Variants in PTPRM observed in about 807,000 individuals in gnomAD.
PTPRM encodes the protein protein tyrosine phosphatase receptor type M, also known as receptor-type tyrosine-protein phosphatase mu.
Under a neutral mutation model 186.7 loss-of-function variants are expected in PTPRM, and 47 were observed. The observed-to-expected ratio is 0.25, with a 90% CI of 0.20 to 0.32. The LOEUF (loss-of-function observed/expected upper bound fraction) is 0.32. PTPRM is among the 10% of genes least tolerant of loss of function. The probability of loss-of-function intolerance (pLI) is 1.00; values close to 1 mark genes in which losing one functional copy is unlikely to be tolerated. For missense variants in PTPRM, 1,494 were observed against 1,865.0 expected (o/e 0.80, Z 3.66); for synonymous variants, 668 against 674.9 (o/e 0.99, Z 0.16).
At chr18:7,796,558 G>T (rs1568142884) in intron 2 of PTPRM, among the ~76,000 whole-genome samples, 1 of 152,138 alleles carries the variant, frequency 6.6e-6, no homozygotes, top group Non-Finnish European at 1.5e-5. Context: ...ACCCAAGGGG[G>T]TGTCCCTGAT....
At position 8,286,341 on chromosome 18, in the gene PTPRM, A is replaced by G. The variant is rs555167149; in HGVS notation, c.2755-10027A>G. 1.6e-3 allele frequency among the ~76,000 whole-genome samples: 239 copies of G among 152,310 alleles called. 2 individuals are homozygous for G. Among genetic ancestry groups the G allele is most frequent in the African/African-American group, 5.6e-3 (233 of 41,576 alleles). On this transcript the variant is annotated intron_variant, in intron 19 of 32. Transcript: ENST00000580170. ...AAGATGATGATCTCTCTGTTTTGAGAGGTGAATTGGTTCTTCCAGGATTCC... is the reference window on the plus strand; with the variant it reads ...AAGATGATGATCTCTCTGTTTTGAGGGGTGAATTGGTTCTTCCAGGATTCC...
chr18:7,951,458 T>C (rs2052947947), intron 6 of PTPRM, among the ~76,000 whole-genome samples: 1 of 152,178 alleles, frequency 6.6e-6, no homozygotes, highest in African/African-American at 2.4e-5. Context: ...GAAAAGTTAA[T>C]TTGTTGGAAG....
chr18:7,990,263 C>T (rs759243104), intron 7 of PTPRM, among the ~76,000 whole-genome samples: 1 of 152,134 alleles, frequency 6.6e-6, no homozygotes, highest in African/African-American at 2.4e-5. Flanking sequence ...AACTGTCATG[C>T]AAAATGCACC....
chr18:8,306,972 A>G (rs2095228588), intron 20 of PTPRM, among the ~76,000 whole-genome samples: 2 of 152,206 alleles, frequency 1.3e-5, no homozygotes, highest in Non-Finnish European at 2.9e-5. Flanking sequence ...TTCAAGGTGA[A>G]TGATATTTCA....
At chr18:8,238,649 G>GTGTTTT (rs1568577897) in intron 14 of PTPRM, among the ~76,000 whole-genome samples, 1 of 73,650 alleles carries the variant, frequency 1.4e-5, no homozygotes, top group Non-Finnish European at 2.9e-5. Context: ...ACTGTTTTGT[G>GTGTTTT]TGTTTTTTTT....
intron 1 of PTPRM, among the ~76,000 whole-genome samples, chr18:7,707,961 A>G (rs184467412): frequency 5.9e-5 from 9 of 152,338 alleles, no homozygotes; most frequent in African/African-American, 9.6e-5. Flanking sequence ...CATTCTGTCT[A>G]TTGACTGTTT....
chr18:7,598,961 T>G (rs1006715949), intron 1 of PTPRM, among the ~76,000 whole-genome samples: 1 of 152,178 alleles, frequency 6.6e-6, no homozygotes, highest in Admixed American at 6.5e-5. Flanking sequence ...TAAAGCATTA[T>G]TATCACATTT....
intron 13 of PTPRM, among the ~76,000 whole-genome samples, chr18:8,127,629 G>T (rs1252103539): frequency 4.6e-5 from 7 of 152,132 alleles, no homozygotes; most frequent in Non-Finnish European, 8.8e-5. Flanking sequence ...CCTTCCTTCA[G>T]ACGGTGCATA....
intron 3 of PTPRM, among the ~76,000 whole-genome samples, chr18:7,903,611 A>G (rs956322503): frequency 2.0e-5 from 3 of 152,254 alleles, no homozygotes; most frequent in African/African-American, 4.8e-5. Flanking sequence ...ATATCCGTGC[A>G]TATCTTCCTT....
intron 20 of PTPRM, among the ~76,000 whole-genome samples, chr18:8,302,415 C>G (rs929887022): frequency 3.9e-5 from 6 of 152,164 alleles, no homozygotes; most frequent in African/African-American, 7.2e-5. Context: ...AGGTGGAAGC[C>G]AGACCTACAG....
At chr18:7,948,477 A>G (rs1477330095) in intron 5 of PTPRM, among the ~76,000 whole-genome samples, 1 of 152,210 alleles carries the variant, frequency 6.6e-6, no homozygotes, top group Non-Finnish European at 1.5e-5. Flanking sequence ...AGGGTTACTT[A>G]ATATATGGGG....
At chr18:8,125,794 T>C (rs2092319046) in intron 13 of PTPRM, among the ~76,000 whole-genome samples, 1 of 151,736 alleles carries the variant, frequency 6.6e-6, no homozygotes, top group Non-Finnish European at 1.5e-5. Context: ...CGCGATTCAC[T>C]GTTCATAATA....
chr18:7,999,966 T>C (rs1182474847), intron 7 of PTPRM, among the ~76,000 whole-genome samples: 1 of 152,118 alleles, frequency 6.6e-6, no homozygotes, highest in African/African-American at 2.4e-5. Context: ...AGAGCTGATA[T>C]TTCAGTTCAT....
chr18:8,139,704 T>C (rs977634504), intron 13 of PTPRM, among the ~76,000 whole-genome samples: 1 of 152,114 alleles, frequency 6.6e-6, no homozygotes, highest in African/African-American at 2.4e-5. Context: ...CCCACTCCCT[T>C]TCCTCTTTCA....
At chr18:8,178,955 A>G (rs942048468) in intron 14 of PTPRM, among the ~76,000 whole-genome samples, 1 of 152,166 alleles carries the variant, frequency 6.6e-6, no homozygotes, top group African/African-American at 2.4e-5. Flanking sequence ...TCCCAAGATA[A>G]CTTGGTGCTC....
chr18:7,658,330 TTATATATA>T (rs34009975), intron 1 of PTPRM, among the ~76,000 whole-genome samples: 4,516 of 124,430 alleles, frequency 0.036, 99 homozygotes, highest in East Asian at 0.087. Flanking sequence ...TAAAGTAAAT[TTATATATA>T]TATATATATA....
At chr18:7,980,811 T>G (rs1251950186) in intron 7 of PTPRM, among the ~76,000 whole-genome samples, 1 of 152,138 alleles carries the variant, frequency 6.6e-6, no homozygotes, top group Non-Finnish European at 1.5e-5. Flanking sequence ...TCTCCATAAT[T>G]CTTCTCACAG....
intron 1 of PTPRM, among the ~76,000 whole-genome samples, chr18:7,607,780 T>A (rs2037570091): frequency 6.6e-6 from 1 of 152,226 alleles, no homozygotes; most frequent in African/African-American, 2.4e-5. Flanking sequence ...AGCCACTCAT[T>A]CCTCGCTCTG....
rs867171680 is a variant in PTPRM, at chr18:7,929,007, A to G, written c.663+2324A>G. ...TCAGCCCTGACTCTACTATAGAACA[A>G]CTTGGAAGGGTTTTGTTTTGTTTTG... On this transcript the variant is annotated intron_variant, in intron 5 of 32. Coordinates refer to ENST00000580170, the MANE Select transcript of PTPRM (RefSeq NM_001105244.2). Among the ~76,000 whole-genome samples the G allele has an allele frequency of 9.2e-5, 14 of 152,120 alleles. No homozygotes were observed. The South Asian group carries it at 1.7e-3, about 18-fold the overall frequency.
Sources: allele counts gnomAD v4.1 joint callset (sites outside exome capture counted in the v4.1 genomes callset), GRCh38; gene constraint gnomAD v4.1.1; transcripts MANE v1.5; gene names NCBI Gene and HGNC (gene_info 2026-07-23, HGNC 2026-07-21).